The following FNIP1 variants were observed in gnomAD, a reference collection of about 807,000 sequenced individuals.
FNIP1 encodes folliculin interacting protein 1, also known as folliculin-interacting protein 1.
A neutral mutation model predicts 124.5 loss-of-function variants in FNIP1; 40 were observed. The ratio of observed to expected loss-of-function variants is 0.32; its 90% CI spans 0.25 to 0.42. The LOEUF (loss-of-function observed/expected upper bound fraction) is 0.42. Among genes scored for constraint, FNIP1 ranks in the 10% least tolerant of loss-of-function variants. FNIP1 has a pLI of 1.00. For missense variants in FNIP1, 1,176 were observed against 1,403.7 expected, an observed-to-expected ratio of 0.84 and a Z score of 2.59; for synonymous variants, 472 against 470.6, an observed-to-expected ratio of 1.00 and a Z score of -0.04.
At chr5:131,699,956 C>A (rs1215903418) in intron 10 of FNIP1, among the ~76,000 whole-genome samples, 4 of 135,412 alleles carry the variant, frequency 3.0e-5, no homozygotes, top group Admixed American at 7.5e-5. Context: ...AAAGATTCTA[C>A]AATAAGATAG....
chr5:131,756,036 T>C (rs1452585836), intron 1 of FNIP1, among the ~76,000 whole-genome samples: 2 of 148,306 alleles, frequency 1.3e-5, no homozygotes, highest in African/African-American at 5.0e-5. Context: ...TTAATGAAGA[T>C]GAAAAGAAAG....
chr5:131,759,796 A>G (rs1171554269), intron 1 of FNIP1, among the ~76,000 whole-genome samples: 1 of 152,226 alleles, frequency 6.6e-6, no homozygotes, highest in Admixed American at 6.5e-5. Context: ...TCATATGTTC[A>G]TCACCATACT....
intron 1 of FNIP1, among the ~76,000 whole-genome samples, chr5:131,758,200 T>C (rs1366236372): frequency 6.6e-6 from 1 of 152,170 alleles, no homozygotes; most frequent in African/African-American, 2.4e-5. Context: ...TAAATGGTAA[T>C]AGTCATTCTA....
intron 1 of FNIP1, among the ~76,000 whole-genome samples, chr5:131,757,262 A>G (rs1771080042): frequency 6.6e-6 from 1 of 152,210 alleles, no homozygotes; most frequent in South Asian, 2.1e-4. Flanking sequence ...GGCTCAAGGT[A>G]CAGCCAAGAA....
intron 15 of FNIP1, among the ~76,000 whole-genome samples, chr5:131,660,816 G>A (rs910236076): frequency 6.6e-6 from 1 of 152,228 alleles, no homozygotes; most frequent in African/African-American, 2.4e-5. Flanking sequence ...ACCGGCAATA[G>A]ATCCAGAGGC....
At chr5:131,650,135 G>A (rs555653998) in intron 16 of FNIP1, among the ~76,000 whole-genome samples, 1 of 152,182 alleles carries the variant, frequency 6.6e-6, no homozygotes, top group Admixed American at 6.5e-5. Context: ...TTTAAGATGG[G>A]TTTTTCTATT....
chr5:131,748,688 C>A (rs1248941728), intron 1 of FNIP1, among the ~76,000 whole-genome samples: 1 of 106,586 alleles, frequency 9.4e-6, no homozygotes, highest in African/African-American at 3.7e-5. Flanking sequence ...CAGAGTGAGA[C>A]TCTGTCTCAA....
chr5:131,750,688 C>T lies in FNIP1; in HGVS notation c.93-5998G>A, dbSNP rs192093234. Among the ~76,000 whole-genome samples, 3 of 151,646 alleles carry T rather than the reference C, an allele frequency of 2.0e-5. No homozygotes were observed. In the East Asian group the frequency reaches 5.8e-4, roughly 29 times the overall value. On this transcript the variant is annotated intron_variant, in intron 1 of 17. Transcript: ENST00000510461. ...GGTGCAGTAGCATGATCTCGGCTCACTGCAACTTCTGCCTCCTGAGCTTGA... is the reference window on the plus strand; with the variant it reads ...GGTGCAGTAGCATGATCTCGGCTCATTGCAACTTCTGCCTCCTGAGCTTGA...
Position 131,672,302 on chromosome 5 carries a change from T to C in FNIP1, c.2142A>G (p.Ser714=). The stretch of plus-strand genomic sequence containing the variant: ...TCATTGCTTTGCCTGTGTGACTGTC[T>C]GAATCCAGCAACTTCTCACTCTGCC... ...ETWQSEKLLD[S]DSHTGKAMRS... The change falls in exon 14 of 18, where the codon TCA becomes TCG. Residue 714 remains serine, a synonymous_variant. Coordinates refer to ENST00000510461, the MANE Select transcript of FNIP1 (RefSeq NM_133372.3). 2 of 1,614,220 alleles carry C rather than the reference T, an allele frequency of 1.2e-6. No homozygotes were observed. The highest frequency in any genetic ancestry group is 4.5e-5 in the East Asian group (2 of 44,886).
rs553844523 is a variant in FNIP1 at position 131,643,541 on chromosome 5, A to G, written c.*1144T>C. The stretch of plus-strand genomic sequence containing the variant: ...ACATTACTTACAAGAGTTTGGTTCC[A>G]TATTAGCCTTTCTTACAAGCAACAC... On this transcript the variant is annotated 3_prime_UTR_variant, in exon 18 of 18. Transcript: ENST00000510461. The G allele has an allele frequency of 3.9e-5, 6 of 152,908 alleles. No individual in the cohort carries two copies. Among genetic ancestry groups the G allele is most frequent in the African/African-American group, 1.4e-4 (6 of 41,588 alleles). 9.5% of individuals were successfully genotyped at this position (152,908 alleles called of 1,614,324 possible).
chr5:131,653,464 G>A (rs528614523), intron 15 of FNIP1, among the ~76,000 whole-genome samples: 241 of 152,000 alleles, frequency 1.6e-3, no homozygotes, highest in Middle Eastern at 6.8e-3. Flanking sequence ...GCTTGAACCC[G>A]GGAGGCAGAG....
chr5:131,795,844 A>G (rs1192542562), intron 1 of FNIP1: 2 of 152,120 alleles, frequency 1.3e-5, no homozygotes, highest in South Asian at 2.1e-4. Flanking sequence ...TTGTTGTACA[A>G]CTGGGCTCTT....
In FNIP1 at chr5:131,641,925, A is replaced by T. The variant is rs1766730428; in HGVS notation, c.*2760T>A. On this transcript the variant is annotated 3_prime_UTR_variant, in exon 18 of 18. Transcript: ENST00000510461. ...TCTGTTTTTTTAAGTGATCATCCCC[A>T]GAGTATGCCAATTGGAACAAAACAA... The T allele has an allele frequency of 6.5e-6, 1 of 152,728 alleles. No homozygotes were observed. The highest frequency in any genetic ancestry group is 1.5e-5 in the Non-Finnish European group (1 of 68,020). The allele number at this position is 152,728 out of a possible 1,614,324, so 9.5% of individuals were successfully genotyped here.
At chr5:131,705,993 C>T (rs2149533834) in intron 9 of FNIP1, among the ~76,000 whole-genome samples, 1 of 152,006 alleles carries the variant, frequency 6.6e-6, no homozygotes, top group South Asian at 2.1e-4. Context: ...ATAAGGCAGA[C>T]ACAAAAGGAC....
intron 1 of FNIP1, among the ~76,000 whole-genome samples, chr5:131,752,566 G>A (rs1187815757): frequency 1.4e-5 from 2 of 144,650 alleles, no homozygotes; most frequent in Non-Finnish European, 3.0e-5. Flanking sequence ...CCAGTCCAGA[G>A]ATTGGAAGAC....
At chr5:131,702,412 A>G (rs1580768493) in intron 10 of FNIP1, among the ~76,000 whole-genome samples, 1 of 152,082 alleles carries the variant, frequency 6.6e-6, no homozygotes, top group Non-Finnish European at 1.5e-5. Context: ...TTAAATGGGC[A>G]TATAATTTGA....
intron 2 of FNIP1, among the ~76,000 whole-genome samples, chr5:131,740,265 A>G (rs1359646809): frequency 2.0e-5 from 3 of 152,196 alleles, no homozygotes; most frequent in African/African-American, 7.2e-5. Flanking sequence ...CTATTTGCAT[A>G]TATTGAGCTT....
chr5:131,760,715 C>T (rs912441866), intron 1 of FNIP1, among the ~76,000 whole-genome samples: 45 of 152,090 alleles, frequency 3.0e-4, no homozygotes, highest in African/African-American at 9.7e-4. Context: ...GAAGGTGATA[C>T]AGATCATTCT....
intron 15 of FNIP1, among the ~76,000 whole-genome samples, chr5:131,655,942 CAA>C (rs905412265): frequency 4.6e-4 from 69 of 148,516 alleles, no homozygotes; most frequent in Non-Finnish European, 9.4e-4. Context: ...CAAAACAAAA[CAA>C]AAAAAAAACT....
Sources: allele counts gnomAD v4.1 joint callset (sites outside exome capture counted in the v4.1 genomes callset), GRCh38; gene constraint gnomAD v4.1.1; transcripts MANE v1.5; gene names NCBI Gene and HGNC (gene_info 2026-07-23, HGNC 2026-07-21).